The following HDAC9 variants were observed in gnomAD, a reference collection of about 807,000 sequenced individuals.
HDAC9 encodes MEF-2 interacting transcription repressor (MITR) protein.
HDAC9 carries 41 observed loss-of-function variants against 139.4 expected under a neutral mutation model. The observed-to-expected ratio is 0.29, with a 90% CI of 0.23 to 0.38. The LOEUF (loss-of-function observed/expected upper bound fraction) is 0.38, where lower values mean the gene tolerates loss of function less well. Among genes scored for constraint, HDAC9 ranks in the 10% least tolerant of loss-of-function variants. The pLI is 1.00. For synonymous variants in HDAC9, 517 were observed against 476.2 expected, an observed-to-expected ratio of 1.09 and a Z score of -1.12; for missense variants, 1,147 against 1,297.0, an observed-to-expected ratio of 0.88 and a Z score of 1.78.
chr7:18,381,354 A>T (rs1348744920), intron 1 of HDAC9, among the ~76,000 whole-genome samples: 1 of 152,100 alleles, frequency 6.6e-6, no homozygotes, highest in African/African-American at 2.4e-5. Context: ...TGGTTGAATA[A>T]ATTTCTCTAA....
At chr7:18,367,679 G>A (rs938109053) in intron 1 of HDAC9, among the ~76,000 whole-genome samples, 3 of 152,060 alleles carry the variant, frequency 2.0e-5, no homozygotes, top group African/African-American at 7.2e-5. Context: ...ACATGTATGG[G>A]TATAAGGTAT....
intron 6 of HDAC9, among the ~76,000 whole-genome samples, chr7:18,607,149 G>A (rs1386551491): frequency 2.6e-5 from 4 of 152,168 alleles, no homozygotes; most frequent in African/African-American, 9.6e-5. Context: ...TTCAGTAAGT[G>A]AGAAGCTGGT....
chr7:18,681,124 A>G (rs1163971890), intron 12 of HDAC9, among the ~76,000 whole-genome samples: 1 of 152,036 alleles, frequency 6.6e-6, no homozygotes, highest in East Asian at 1.9e-4. Flanking sequence ...AACTTAGCTG[A>G]CAAACTGTCA....
At chr7:18,101,537 T>G (rs927862837) in intron 1 of HDAC9, among the ~76,000 whole-genome samples, 1 of 152,246 alleles carries the variant, frequency 6.6e-6, no homozygotes, top group African/African-American at 2.4e-5. Context: ...ATGTAAAACC[T>G]TGTTGGTCAA....
At chr7:18,572,491 A>T (rs1026288667) in intron 2 of HDAC9, among the ~76,000 whole-genome samples, 2 of 151,894 alleles carry the variant, frequency 1.3e-5, no homozygotes, top group Admixed American at 6.5e-5. Flanking sequence ...GTAGAAAAAA[A>T]TACGGGAAAG....
At chr7:18,937,519 T>A (rs1210891017) in intron 23 of HDAC9, among the ~76,000 whole-genome samples, 1 of 152,322 alleles carries the variant, frequency 6.6e-6, no homozygotes, top group African/African-American at 2.4e-5. Context: ...GAGTGTTTTT[T>A]TGTGGCAGTA....
chr7:18,879,991 G>A (rs1799608565), intron 22 of HDAC9, among the ~76,000 whole-genome samples: 1 of 152,032 alleles, frequency 6.6e-6, no homozygotes, highest in Non-Finnish European at 1.5e-5. Context: ...TTAAAACGTG[G>A]GGAAAGGACA....
At chr7:18,259,609 C>T (rs1323720572) in intron 2 of HDAC9, among the ~76,000 whole-genome samples, 1 of 152,208 alleles carries the variant, frequency 6.6e-6, no homozygotes, top group Non-Finnish European at 1.5e-5. Flanking sequence ...AAGGGATTCA[C>T]CTACCTCAGC....
In HDAC9 at chr7:18,342,402, T is replaced by C. The variant is rs955011670; in HGVS notation, c.-42+51887T>C. Among the ~76,000 whole-genome samples the C allele has an allele frequency of 1.3e-4, 20 of 152,020 alleles. 1 individual carries two copies. The highest frequency in any genetic ancestry group is 4.8e-4 in the African/African-American group (20 of 41,536). ...ATCTCACAGGGATTACTCTCCTTTGTTGCCTCATGTCCAGTGTCTTAAAAT... is the reference window on the plus strand; with the variant it reads ...ATCTCACAGGGATTACTCTCCTTTGCTGCCTCATGTCCAGTGTCTTAAAAT... On this transcript the variant is annotated intron_variant, in intron 1 of 3. Transcript: ENST00000413509.
chr7:18,768,780 T>C (rs73069078), intron 16 of HDAC9, among the ~76,000 whole-genome samples: 1 of 152,268 alleles, frequency 6.6e-6, no homozygotes, highest in Non-Finnish European at 1.5e-5. Context: ...CCCTGAGTTA[T>C]GATGGTTCAA....
At chr7:18,764,974 A>T (rs949631841) in intron 15 of HDAC9, among the ~76,000 whole-genome samples, 2 of 152,102 alleles carry the variant, frequency 1.3e-5, no homozygotes, top group Admixed American at 1.3e-4. Context: ...AATACTCTAG[A>T]CCCTGTAAGG....
At chr7:18,761,276 C>G (rs551964066) in intron 14 of HDAC9, among the ~76,000 whole-genome samples, 74 of 152,148 alleles carry the variant, frequency 4.9e-4, no homozygotes, top group Non-Finnish European at 9.3e-4. Context: ...ACCTAATGAA[C>G]AGTTTTGCCT....
At chr7:18,541,272 G>C (rs1295889525) in intron 2 of HDAC9, among the ~76,000 whole-genome samples, 1 of 149,688 alleles carries the variant, frequency 6.7e-6, no homozygotes, top group East Asian at 2.0e-4. Context: ...ATGCATGGAT[G>C]GGTGCCTTTT....
At chr7:18,691,904 A>C (rs187264657) in intron 12 of HDAC9, among the ~76,000 whole-genome samples, 1 of 152,140 alleles carries the variant, frequency 6.6e-6, no homozygotes, top group East Asian at 1.9e-4. Context: ...GAGTGTCAAC[A>C]AAAGAGAACA....
intron 2 of HDAC9, among the ~76,000 whole-genome samples, chr7:18,285,374 A>G (rs1797368994): frequency 6.6e-6 from 1 of 152,132 alleles, no homozygotes; most frequent in South Asian, 2.1e-4. Flanking sequence ...TATATTGGGA[A>G]TATACACCAT....
chr7:18,512,826 A>T (rs1801969860), intron 2 of HDAC9, among the ~76,000 whole-genome samples: 1 of 152,226 alleles, frequency 6.6e-6, no homozygotes, highest in Non-Finnish European at 1.5e-5. Context: ...CAAATATACG[A>T]GTAAGTGTGC....
chr7:18,366,231 T>G (rs532803790), intron 1 of HDAC9, among the ~76,000 whole-genome samples: 1 of 152,244 alleles, frequency 6.6e-6, no homozygotes, highest in African/African-American at 2.4e-5. Context: ...CAAGGCTTGT[T>G]CAGAAACTGA....
At chr7:18,629,693 A>T (rs1384994771) in intron 7 of HDAC9, among the ~76,000 whole-genome samples, 1 of 152,146 alleles carries the variant, frequency 6.6e-6, no homozygotes, top group African/African-American at 2.4e-5. Context: ...AAACAGAAGT[A>T]TGTGTCAATC....
chr7:18,861,130 A>G (rs969579779), intron 21 of HDAC9, among the ~76,000 whole-genome samples: 1 of 152,170 alleles, frequency 6.6e-6, no homozygotes, highest in African/African-American at 2.4e-5. Flanking sequence ...AAACTTAAAG[A>G]CACATTTTTG....
Sources: allele counts gnomAD v4.1 joint callset (sites outside exome capture counted in the v4.1 genomes callset), GRCh38; gene constraint gnomAD v4.1.1; transcripts MANE v1.5; gene names NCBI Gene and HGNC (gene_info 2026-07-23, HGNC 2026-07-21).